Variants in SGCZ observed in about 807,000 individuals in gnomAD.
SGCZ encodes sarcoglycan zeta.
SGCZ carries 40 observed loss-of-function variants against 41.3 expected under a neutral mutation model. The observed-to-expected ratio is 0.97, with a 90% CI of 0.75 to 1.26. The LOEUF (loss-of-function observed/expected upper bound fraction) is 1.26, where lower values mean the gene tolerates loss of function less well. Among genes scored for constraint, SGCZ ranks in the 50% most tolerant of loss-of-function variants. The pLI is 0.00. For missense variants in SGCZ, 552 were observed against 369.8 expected (o/e 1.49, Z -4.04); for synonymous variants, 206 against 137.5 (o/e 1.50, Z -3.49).
intron 2 of SGCZ, among the ~76,000 whole-genome samples, chr8:14,360,992 T>G (rs1349078636): frequency 6.6e-6 from 1 of 152,182 alleles, no homozygotes; most frequent in Non-Finnish European, 1.5e-5. Flanking sequence ...CTGATACCTG[T>G]GCAGTGATAT....
chr8:14,437,108 T>C lies in SGCZ; in HGVS notation c.235-112904A>G, dbSNP rs894233299. Reference sequence around the variant, plus strand: ...GTGATTTTTATATTATAAAATAGAATTTGTCAACATTTGGAAATTCTGCAT... The same window carrying C: ...GTGATTTTTATATTATAAAATAGAACTTGTCAACATTTGGAAATTCTGCAT... On this transcript the variant is annotated intron_variant, in intron 2 of 7. Coordinates refer to ENST00000382080, the MANE Select transcript of SGCZ (RefSeq NM_139167.4). Among the ~76,000 whole-genome samples, 3 of 152,194 alleles carry C rather than the reference T, an allele frequency of 2.0e-5. 1 individual carries two copies. The highest frequency in any genetic ancestry group is 4.4e-5 in the Non-Finnish European group (3 of 68,028).
At chr8:15,044,489 C>T (rs1397784644) in intron 1 of SGCZ, among the ~76,000 whole-genome samples, 1 of 151,828 alleles carries the variant, frequency 6.6e-6, no homozygotes, top group African/African-American at 2.4e-5. Flanking sequence ...AATATTTTCC[C>T]CAAAAATACA....
At chr8:14,597,491 G>C (rs1408896796) in intron 1 of SGCZ, among the ~76,000 whole-genome samples, 1 of 152,104 alleles carries the variant, frequency 6.6e-6, no homozygotes, top group Non-Finnish European at 1.5e-5. Context: ...GTTTTGAAAT[G>C]GAGTTTCACT....
At chr8:14,408,861 C>G (rs10111130) in intron 2 of SGCZ, among the ~76,000 whole-genome samples, 1 of 152,036 alleles carries the variant, frequency 6.6e-6, no homozygotes, top group Admixed American at 6.6e-5. Context: ...TTGAGACCTT[C>G]TCTGAATTTT....
chr8:14,333,564 C>T (rs2117057492), intron 2 of SGCZ, among the ~76,000 whole-genome samples: 1 of 152,110 alleles, frequency 6.6e-6, no homozygotes, highest in Admixed American at 6.5e-5. Context: ...AAAACCATTG[C>T]ATGATATACT....
chr8:14,589,345 CAAAA>C (rs34816729), intron 1 of SGCZ, among the ~76,000 whole-genome samples: 4 of 122,490 alleles, frequency 3.3e-5, no homozygotes, highest in Non-Finnish European at 5.3e-5. Context: ...GACTCCATCT[CAAAA>C]AAAAAAAAAA....
At chr8:14,558,574 TAGAGAGAGAG>T (rs146179658) in intron 1 of SGCZ, among the ~76,000 whole-genome samples, 313 of 99,812 alleles carry the variant, frequency 3.1e-3, no homozygotes, top group Middle Eastern at 6.9e-3. Flanking sequence ...GAATGACTCT[TAGAGAGAGAG>T]AGAGAGAGAG....
chr8:14,099,598 G>A (rs1421501129), intron 7 of SGCZ, among the ~76,000 whole-genome samples: 1 of 152,100 alleles, frequency 6.6e-6, no homozygotes, highest in Non-Finnish European at 1.5e-5. Context: ...GGTGGCAGGT[G>A]CCTGTAATCC....
chr8:14,305,690 A>C (rs995105299), intron 3 of SGCZ, among the ~76,000 whole-genome samples: 5 of 152,182 alleles, frequency 3.3e-5, no homozygotes, highest in African/African-American at 9.6e-5. Flanking sequence ...GGTAGCTTGC[A>C]AATTTTTCCC....
intron 4 of SGCZ, among the ~76,000 whole-genome samples, chr8:14,227,979 G>A (rs1416336090): frequency 6.6e-6 from 1 of 151,986 alleles, no homozygotes; most frequent in Non-Finnish European, 1.5e-5. Flanking sequence ...TAGTATTGTT[G>A]TGCAGTCATC....
intron 1 of SGCZ, among the ~76,000 whole-genome samples, chr8:14,580,917 C>T (rs1804867585): frequency 6.6e-6 from 1 of 152,200 alleles, no homozygotes; most frequent in South Asian, 2.1e-4. Flanking sequence ...CTGGTATTCA[C>T]AACCCTTTCT....
At chr8:14,727,661 C>G (rs952217736) in intron 1 of SGCZ, among the ~76,000 whole-genome samples, 6 of 151,938 alleles carry the variant, frequency 3.9e-5, no homozygotes, top group Non-Finnish European at 1.5e-5. Context: ...CAGGCGCCCT[C>G]CACCACGCCC....
intron 1 of SGCZ, among the ~76,000 whole-genome samples, chr8:14,761,777 G>A (rs1319292770): frequency 6.6e-6 from 1 of 151,820 alleles, no homozygotes; most frequent in Non-Finnish European, 1.5e-5. Context: ...CACCCACTTC[G>A]GCCTCCAAAA....
chr8:14,996,226 G>A (rs1355624265), intron 1 of SGCZ, among the ~76,000 whole-genome samples: 1 of 151,978 alleles, frequency 6.6e-6, no homozygotes, highest in Admixed American at 6.6e-5. Flanking sequence ...TATGTCAATG[G>A]TCATTACTGA....
chr8:14,411,888 C>A lies in SGCZ; in HGVS notation c.235-87684G>T, dbSNP rs539003027. ...TTTGATGGAACGGAAGGAGAATTAACAAGTATTTCAATCTTACATGACCTC... is the reference window on the plus strand; with the variant it reads ...TTTGATGGAACGGAAGGAGAATTAAAAAGTATTTCAATCTTACATGACCTC... On this transcript the variant is annotated intron_variant, in intron 2 of 7. Transcript: ENST00000382080. Among the ~76,000 whole-genome samples the A allele has an allele frequency of 1.2e-3, 187 of 152,116 alleles. 1 individual carries two copies. The highest frequency in any genetic ancestry group is 4.4e-3 in the African/African-American group (181 of 41,524).
chr8:14,210,311 G>A (rs538359422), intron 4 of SGCZ, among the ~76,000 whole-genome samples: 5 of 152,046 alleles, frequency 3.3e-5, no homozygotes, highest in Admixed American at 2.6e-4. Context: ...CACCTGCCTC[G>A]GCCTCCCAAA....
intron 1 of SGCZ, among the ~76,000 whole-genome samples, chr8:14,828,470 T>A (rs1337575006): frequency 6.6e-6 from 1 of 152,234 alleles, no homozygotes; most frequent in African/African-American, 2.4e-5. Flanking sequence ...TGTACCTAAA[T>A]GAGCTGCAGA....
At chr8:14,804,704 G>A (rs1280581887) in intron 1 of SGCZ, among the ~76,000 whole-genome samples, 8 of 121,234 alleles carry the variant, frequency 6.6e-5, no homozygotes, top group African/African-American at 8.6e-5. Context: ...GCAGGCCAAC[G>A]TTCAGATGCA....
At position 14,976,020 on chromosome 8, in the gene SGCZ, A is replaced by G. The variant is rs534492557; in HGVS notation, c.39+261565T>C. Among the ~76,000 whole-genome samples the G allele has an allele frequency of 3.3e-4, 48 of 146,636 alleles. 2 individuals carry two copies. In the South Asian group the frequency reaches 8.1e-3, roughly 25 times the overall value. ...TATATACATATATATATATATACAC[A>G]TATATATTTTTTTTTTTTCTGAGAT... On this transcript the variant is annotated intron_variant, in intron 1 of 7. Transcript: ENST00000382080.
Sources: allele counts gnomAD v4.1 joint callset (sites outside exome capture counted in the v4.1 genomes callset), GRCh38; gene constraint gnomAD v4.1.1; transcripts MANE v1.5; gene names NCBI Gene and HGNC (gene_info 2026-07-23, HGNC 2026-07-21).